DLG1: variants seen among roughly 807,000 people sequenced by gnomAD.
DLG1 encodes the protein discs large MAGUK scaffold protein 1, also known as disks large homolog 1.
Under a neutral mutation model 123.4 loss-of-function variants are expected in DLG1, and 42 were observed. The ratio of observed to expected loss-of-function variants is 0.34; its 90% CI spans 0.27 to 0.44. The LOEUF is 0.44. Ranked by LOEUF, DLG1 falls within the 20% of genes least tolerant of loss-of-function variation. The pLI is 1.00. For missense variants in DLG1, 942 were observed against 1,082.6 expected (o/e 0.87, Z 1.82); for synonymous variants, 317 against 356.2 (o/e 0.89, Z 1.24).
intron 18 of DLG1, among the ~76,000 whole-genome samples, chr3:197,071,972 C>A (rs1056331222): frequency 5.3e-5 from 8 of 152,158 alleles, no homozygotes; most frequent in African/African-American, 1.9e-4. Flanking sequence ...TACCACAAGA[C>A]ATGTATAAGA....
At chr3:197,216,355 G>T (rs926502691) in intron 4 of DLG1, among the ~76,000 whole-genome samples, 2 of 152,110 alleles carry the variant, frequency 1.3e-5, no homozygotes, top group African/African-American at 4.8e-5. Flanking sequence ...TCAATGATTT[G>T]CTGGCAGGAC....
chr3:197,288,709 G>C (rs1217902600), intron 3 of DLG1, among the ~76,000 whole-genome samples: 3 of 72,572 alleles, frequency 4.1e-5, no homozygotes, highest in African/African-American at 1.3e-4. Context: ...CAACAAGAGT[G>C]AAACTGTCTC....
At chr3:197,232,815 C>T in intron 4 of DLG1, among the ~76,000 whole-genome samples, 1 of 150,748 alleles carries the variant, frequency 6.6e-6, no homozygotes, top group East Asian at 1.9e-4. Context: ...AGTATCTCCA[C>T]AGAAAAAGCA....
At chr3:197,239,899 T>C (rs1748001166) in intron 4 of DLG1, among the ~76,000 whole-genome samples, 1 of 148,264 alleles carries the variant, frequency 6.7e-6, no homozygotes, top group Non-Finnish European at 1.5e-5. Flanking sequence ...TCCACATCCA[T>C]GATGTCCCTC....
chr3:197,267,353 T>C lies in DLG1; in HGVS notation c.318+15326A>G, dbSNP rs116427201. Reference sequence around the variant, plus strand: ...AGCTTCTGTTTTGCCCTTGGATCCTTTTCTCTTTTGGAATCTCACTCTCCC... The same window carrying C: ...AGCTTCTGTTTTGCCCTTGGATCCTCTTCTCTTTTGGAATCTCACTCTCCC... On this transcript the variant is annotated intron_variant, in intron 4 of 24. Coordinates refer to ENST00000667157, the MANE Select transcript of DLG1 (RefSeq NM_001366207.1). 3.9e-3 allele frequency among the ~76,000 whole-genome samples: 587 copies of C among 152,226 alleles called. 5 individuals are homozygous for C. Among genetic ancestry groups the C allele is most frequent in the African/African-American group, 0.013 (550 of 41,538 alleles).
At chr3:197,295,382 T>C (rs982469825) in intron 3 of DLG1, among the ~76,000 whole-genome samples, 1 of 152,114 alleles carries the variant, frequency 6.6e-6, no homozygotes, top group Non-Finnish European at 1.5e-5. Flanking sequence ...AACAGATAGA[T>C]GTAAGGCCAT....
At chr3:197,081,469 T>C (rs913254674) in intron 16 of DLG1, among the ~76,000 whole-genome samples, 53 of 152,224 alleles carry the variant, frequency 3.5e-4, no homozygotes, top group African/African-American at 1.2e-3. Flanking sequence ...GAAGCACATA[T>C]GCTAAAAATT....
chr3:197,089,059 T>C (rs192548527), intron 15 of DLG1, among the ~76,000 whole-genome samples: 1 of 152,286 alleles, frequency 6.6e-6, no homozygotes, highest in African/African-American at 2.4e-5. Flanking sequence ...AAGTAGAAGA[T>C]AGCAGTATAT....
intron 5 of DLG1, among the ~76,000 whole-genome samples, chr3:197,162,272 A>G (rs1002010946): frequency 7.3e-5 from 11 of 150,876 alleles, no homozygotes; most frequent in African/African-American, 2.4e-4. Context: ...CATGCCAGAC[A>G]TATCTGGCAA....
intron 6 of DLG1, among the ~76,000 whole-genome samples, chr3:197,146,433 T>C (rs372139233): frequency 6.6e-6 from 1 of 152,128 alleles, no homozygotes; most frequent in African/African-American, 2.4e-5. Context: ...CAAAACAGCA[T>C]GGTACTGGTA....
chr3:197,130,930 A>T (rs1398749284), intron 10 of DLG1, among the ~76,000 whole-genome samples: 1 of 152,114 alleles, frequency 6.6e-6, no homozygotes, highest in Non-Finnish European at 1.5e-5. Context: ...ATTTTCTCTC[A>T]TTCTTAGGCA....
chr3:197,292,047 A>G (rs1164745898), intron 3 of DLG1, among the ~76,000 whole-genome samples: 2 of 152,204 alleles, frequency 1.3e-5, no homozygotes, highest in Admixed American at 6.5e-5. Flanking sequence ...ATCACTATGG[A>G]AAACATTATG....
chr3:197,089,719 CA>C (rs143762325), intron 15 of DLG1, among the ~76,000 whole-genome samples: 22,484 of 148,712 alleles, frequency 0.15, 1,849 homozygotes, highest in South Asian at 0.33. Context: ...TGTAGATAAG[CA>C]AAAAAAAAGA....
intron 5 of DLG1, among the ~76,000 whole-genome samples, chr3:197,153,457 G>C (rs1398596946): frequency 2.0e-5 from 3 of 152,134 alleles, no homozygotes; most frequent in African/African-American, 7.2e-5. Context: ...ACTGTGTACC[G>C]CCTGCACAAG....
At chr3:197,288,742 AAATAC>A (rs1773260837) in intron 3 of DLG1, among the ~76,000 whole-genome samples, 3 of 77,446 alleles carry the variant, frequency 3.9e-5, no homozygotes, top group African/African-American at 1.8e-4. Context: ...AAAAAAAAAA[AAATAC>A]ATACATACAT....
At chr3:197,122,854 T>A (rs530769165) in intron 11 of DLG1, among the ~76,000 whole-genome samples, 6 of 152,166 alleles carry the variant, frequency 3.9e-5, no homozygotes, top group African/African-American at 4.8e-5. Flanking sequence ...ATGTTTTTGA[T>A]CCTAAAATTA....
chr3:197,199,251 A>G (rs1724323545), intron 4 of DLG1, among the ~76,000 whole-genome samples: 1 of 152,168 alleles, frequency 6.6e-6, no homozygotes, highest in South Asian at 2.1e-4. Context: ...TACCAAAACT[A>G]AAGTCTATTC....
intron 3 of DLG1, among the ~76,000 whole-genome samples, chr3:197,286,879 C>G (rs1176195281): frequency 6.6e-6 from 1 of 151,264 alleles, no homozygotes; most frequent in East Asian, 1.9e-4. Flanking sequence ...ATACAAGAGC[C>G]ACCTGAGCTC....
In DLG1 at chr3:197,042,628, C is replaced by T. The variant is rs144235731; in HGVS notation, c.*1995G>A. On this transcript the variant is annotated 3_prime_UTR_variant, in exon 25 of 25. Coordinates refer to ENST00000667157, the MANE Select transcript of DLG1 (RefSeq NM_001366207.1). ...CCTTTTATAACCACTTGATATTTTA[C>T]AACATGTGACTATTTGGTAAATACT... 4 of 152,288 alleles carry T rather than the reference C, an allele frequency of 2.6e-5. No individual in the cohort carries two copies. Among genetic ancestry groups the T allele is most frequent in the Non-Finnish European group, 4.4e-5 (3 of 68,014 alleles). 9.4% of individuals were successfully genotyped at this position (152,288 alleles called of 1,614,324 possible).
Sources: allele counts gnomAD v4.1 joint callset (sites outside exome capture counted in the v4.1 genomes callset), GRCh38; gene constraint gnomAD v4.1.1; transcripts MANE v1.5; gene names NCBI Gene and HGNC (gene_info 2026-07-23, HGNC 2026-07-21).